The following HP1BP3 variants were observed in gnomAD, a reference collection of about 807,000 sequenced individuals.
HP1BP3 encodes the protein heterochromatin protein 1 binding protein 3.
In HP1BP3, 12 loss-of-function variants were observed where a neutral mutation model predicts 62.5. That is an observed-to-expected ratio of 0.19 (90% CI 0.12 to 0.31). HP1BP3 has a LOEUF of 0.31. HP1BP3 is among the 10% of genes least tolerant of loss of function. The pLI, the probability that HP1BP3 is intolerant of heterozygous loss-of-function variation, is 1.00. For missense variants in HP1BP3, 502 were observed against 651.8 expected (o/e 0.77, Z 2.50); for synonymous variants, 260 against 237.8 (o/e 1.09, Z -0.86).
At position 20,740,830 on chromosome 1, in the gene HP1BP3, G is replaced by C. The variant is rs1401033287; in HGVS notation, c.*3967C>G. On this transcript the variant is annotated 3_prime_UTR_variant, in exon 13 of 13. Coordinates refer to ENST00000438032, the MANE Select transcript of HP1BP3 (RefSeq NM_001372052.1). ...AAACTCCATCTCAAAAAAATAATAAGTAAAAGAATATAGTTATAAAGACGG... is the reference window on the plus strand; with the variant it reads ...AAACTCCATCTCAAAAAAATAATAACTAAAAGAATATAGTTATAAAGACGG... 6.6e-6 allele frequency among the ~76,000 whole-genome samples: 1 copy of C among 152,196 alleles called. No individual in the cohort carries two copies. The highest frequency in any genetic ancestry group is 2.4e-5 in the African/African-American group (1 of 41,454).
At chr1:20,745,807 C>A in intron 11 of HP1BP3, 151 bp from the exon 12 acceptor site, 1 of 729,014 alleles carries the variant, frequency 1.4e-6, no homozygotes, top group Non-Finnish European at 2.2e-6. Context: ...TTACAATTTA[C>A]CGTATTTTGA....
chr1:20,757,858 T>C (rs1018211237), intron 8 of HP1BP3, among the ~76,000 whole-genome samples: 3 of 151,770 alleles, frequency 2.0e-5, no homozygotes, highest in Non-Finnish European at 4.4e-5. Context: ...TAAAAACCAA[T>C]GTCTTGGCCA....
chr1:20,744,473 T>C lies in HP1BP3; in HGVS notation c.*324A>G, dbSNP rs1570527395. 4.5e-6 allele frequency: 1 copy of C among 223,602 alleles called. No homozygotes were observed. Among genetic ancestry groups the C allele is most frequent in the South Asian group, 7.8e-5 (1 of 12,852 alleles). The allele number at this position is 223,602 out of a possible 1,614,324, so 13.9% of individuals were successfully genotyped here. Reference sequence around the variant, plus strand: ...ATCTCTGCAACTGTTTAGATAAAATTGGAAGAAAAAAAAAAGGCAAAGCTG... The same window carrying C: ...ATCTCTGCAACTGTTTAGATAAAATCGGAAGAAAAAAAAAAGGCAAAGCTG... On this transcript the variant is annotated 3_prime_UTR_variant, in exon 13 of 13. Transcript: ENST00000438032.
chr1:20,749,181 C>A (rs1390693801), intron 10 of HP1BP3, among the ~76,000 whole-genome samples: 1 of 152,038 alleles, frequency 6.6e-6, no homozygotes, highest in Non-Finnish European at 1.5e-5. Context: ...TCAGAAAAAT[C>A]TTTACAGTAA....
At position 20,777,461 on chromosome 1, in the gene HP1BP3, A is replaced by AT. The variant is rs1338155620; in HGVS notation, c.197-712dup. On this transcript the variant is annotated intron_variant, in intron 3 of 12. Coordinates refer to ENST00000438032, the MANE Select transcript of HP1BP3 (RefSeq NM_001372052.1). ...CCCATAAAGAGAATTTTATTTATTT[A>AT]TTTATTTTTTTTTTGAGACGGAGTC... 5.0e-3 allele frequency among the ~76,000 whole-genome samples: 761 copies of AT among 151,710 alleles called. 9 individuals are homozygous for AT. Among genetic ancestry groups the AT allele is most frequent in the African/African-American group, 0.018 (728 of 41,278 alleles).
intron 9 of HP1BP3, among the ~76,000 whole-genome samples, chr1:20,754,226 G>A (rs546414372): frequency 1.3e-5 from 2 of 152,190 alleles, no homozygotes; most frequent in Admixed American, 6.5e-5. Flanking sequence ...ACCTGAAAAC[G>A]AAAATTAGAA....
rs780676588 is a variant in HP1BP3 at position 20,779,777 on chromosome 1, T to C, written c.196+35A>G. The C allele has an allele frequency of 3.5e-6, 5 of 1,416,552 alleles. No individual in the cohort carries two copies. The African/African-American group carries it at 7.1e-5, about 20-fold the overall frequency. The allele number at this position is 1,416,552 out of a possible 1,614,324, so 87.7% of individuals were successfully genotyped here. A position where few individuals can be genotyped will look rare whatever the true frequency, so the allele number is the denominator to read the frequency against. On this transcript the variant is annotated intron_variant, in intron 3 of 12. Transcript: ENST00000438032. ...GACACTCCAAATTGCAGTATAACTT[T>C]TGATGTTTTAAGCTGTGTCACCATT...
intron 7 of HP1BP3, among the ~76,000 whole-genome samples, chr1:20,766,300 C>A (rs192183252): frequency 1.3e-4 from 20 of 152,128 alleles, no homozygotes; most frequent in Non-Finnish European, 2.4e-4. Context: ...TCAAAACACA[C>A]ACACAAAAAA....
chr1:20,770,442 A>G (rs1177424820), intron 6 of HP1BP3, among the ~76,000 whole-genome samples: 1 of 152,100 alleles, frequency 6.6e-6, no homozygotes, highest in Non-Finnish European at 1.5e-5. Flanking sequence ...CTGCCTTCCA[A>G]GTACCTGGGA....
At chr1:20,765,912 G>A (rs1333674869) in intron 7 of HP1BP3, among the ~76,000 whole-genome samples, 8 of 149,964 alleles carry the variant, frequency 5.3e-5, no homozygotes, top group Non-Finnish European at 8.9e-5. Context: ...TTGCAGTGAT[G>A]CAAGATGGAG....
At position 20,742,917 on chromosome 1, in the gene HP1BP3, TTTTGCCTCTGGCAGTAC is replaced by T. The variant is rs1220719154; in HGVS notation, c.*1863_*1879del. The T allele has an allele frequency of 6.6e-6, 1 of 152,588 alleles. No homozygotes were observed. The highest frequency in any genetic ancestry group is 1.5e-5 in the Non-Finnish European group (1 of 68,038). 9.5% of individuals were successfully genotyped at this position (152,588 alleles called of 1,614,324 possible). On this transcript the variant is annotated 3_prime_UTR_variant, in exon 13 of 13. Transcript: ENST00000438032. ...GTGGAATGAATAAGAAACAAACATCTTTTGCCTCTGGCAGTACTCAAGGGGCCAGAAGATGTACTTCA... is the reference window on the plus strand; with the variant it reads ...GTGGAATGAATAAGAAACAAACATCTTCAAGGGGCCAGAAGATGTACTTCA...
At chr1:20,770,859 A>T in intron 6 of HP1BP3, 71 bp downstream of exon 6, 1 of 1,190,174 alleles carries the variant, frequency 8.4e-7, no homozygotes, top group Non-Finnish European at 1.2e-6. Flanking sequence ...CAAAAAGCCT[A>T]AATGTTACTA....
chr1:20,782,666 C>G (rs1229321794), intron 1 of HP1BP3, among the ~76,000 whole-genome samples: 27 of 151,608 alleles, frequency 1.8e-4, no homozygotes. Flanking sequence ...CTTTGGGAGG[C>G]CGAGGCGGAT....
At chr1:20,753,028 G>A (rs1288801839) in intron 9 of HP1BP3, among the ~76,000 whole-genome samples, 2 of 151,770 alleles carry the variant, frequency 1.3e-5, no homozygotes, top group African/African-American at 4.8e-5. Context: ...TGCAACCTCT[G>A]CCTCCTGGGT....
intron 3 of HP1BP3, among the ~76,000 whole-genome samples, chr1:20,777,998 GAT>G (rs2057378399): frequency 6.6e-6 from 1 of 152,160 alleles, no homozygotes; most frequent in Non-Finnish European, 1.5e-5. Context: ...TTTTCATCAT[GAT>G]ATATCTTTTA....
At chr1:20,783,352 C>T (rs768145577) in intron 1 of HP1BP3, among the ~76,000 whole-genome samples, 4 of 152,042 alleles carry the variant, frequency 2.6e-5, no homozygotes, top group Non-Finnish European at 5.9e-5. Context: ...AACCCCATCT[C>T]TACTAAAAAC....
intron 4 of HP1BP3, chr1:20,776,074 C>A: frequency 1.5e-6 from 2 of 1,317,812 alleles, no homozygotes; most frequent in Non-Finnish European, 2.0e-6. Flanking sequence ...AGATACACAT[C>A]AATAGCAAAT....
intron 9 of HP1BP3, among the ~76,000 whole-genome samples, chr1:20,752,850 G>A (rs748957746): frequency 9.2e-5 from 14 of 152,108 alleles, no homozygotes; most frequent in Admixed American, 5.9e-4. Context: ...CACATAATCC[G>A]TATCTGCTAC....
intron 9 of HP1BP3, among the ~76,000 whole-genome samples, chr1:20,752,224 T>C (rs956252618): frequency 4.6e-5 from 7 of 151,574 alleles, no homozygotes; most frequent in African/African-American, 1.5e-4. Context: ...ATCAAGCCAC[T>C]GTACTCACTG....
Sources: gnomAD v4.1 joint callset for allele counts (sites outside exome capture counted in the v4.1 genomes callset) on GRCh38, gnomAD v4.1.1 for gene constraint, MANE v1.5 for transcripts, NCBI Gene and HGNC (gene_info 2026-07-23, HGNC 2026-07-21) for gene names.